ZSCAN32: variants seen among roughly 807,000 people sequenced by gnomAD.
ZSCAN32 encodes zinc finger and SCAN domain-containing protein 32.
A neutral mutation model predicts 47.4 loss-of-function variants in ZSCAN32; 52 were observed. The ratio of observed to expected loss-of-function variants is 1.10; its 90% CI spans 0.88 to 1.38. The LOEUF is 1.38. Among genes scored for constraint, ZSCAN32 ranks in the 40% most tolerant of loss-of-function variants. ZSCAN32 has a pLI of 0.00. For synonymous variants in ZSCAN32, 346 were observed against 305.7 expected, an observed-to-expected ratio of 1.13 and a Z score of -1.38; for missense variants, 959 against 846.0, an observed-to-expected ratio of 1.13 and a Z score of -1.66.
chr16:3,383,972 G>A (rs1265004062), intron 6 of ZSCAN32: 1 of 487,684 alleles, frequency 2.1e-6, no homozygotes, highest in Non-Finnish European at 3.6e-6. Flanking sequence ...ACTGAGGCAA[G>A]ACATTAAGCA....
chr16:3,384,255 A>G, intron 6 of ZSCAN32: 2 of 658,670 alleles, frequency 3.0e-6, no homozygotes, highest in Middle Eastern at 4.2e-4. Context: ...AACTTAGTTG[A>G]AAGAGGTTGG....
At chr16:3,395,646 A>G (rs1015270661) in intron 2 of ZSCAN32, among the ~76,000 whole-genome samples, 6 of 152,196 alleles carry the variant, frequency 3.9e-5, no homozygotes, top group African/African-American at 1.4e-4. Flanking sequence ...AGAACGGACT[A>G]ATAAATTAGG....
intron 5 of ZSCAN32, among the ~76,000 whole-genome samples, chr16:3,387,194 T>C (rs2032115311): frequency 6.6e-6 from 1 of 152,192 alleles, no homozygotes; most frequent in Admixed American, 6.5e-5. Flanking sequence ...GGGTAGTGGC[T>C]TGCCTGCCTT....
rs1178715978 is a variant in ZSCAN32, at chr16:3,382,922, G to A, written c.2024C>T (p.Ala675Val). Reference sequence around the variant, plus strand: ...GTGTACTGTCTGATGACGGGTGAGGGCAGAGTTCTTAGTGAAGCCTCTCTC... The same window carrying A: ...GTGTACTGTCTGATGACGGGTGAGGACAGAGTTCTTAGTGAAGCCTCTCTC... ...HCERGFTKNSALTRHQTVHMK... is the reference protein window; with the variant it reads ...HCERGFTKNSVLTRHQTVHMK... Residue 675 changes from alanine (A) to valine (V), a missense_variant, in exon 7 of 7, where the codon GCC becomes GTC. Ala to Val is a moderately conservative substitution (Grantham distance 64, BLOSUM62 0). Coordinates refer to ENST00000396852, the MANE Select transcript of ZSCAN32 (RefSeq NM_001284527.2). The A allele has an allele frequency of 1.9e-6, 3 of 1,612,292 alleles. No individual in the cohort carries two copies. The highest frequency in any genetic ancestry group is 2.5e-6 in the Non-Finnish European group (3 of 1,178,982).
At chr16:3,385,701 C>G (rs1309767402) in intron 5 of ZSCAN32, among the ~76,000 whole-genome samples, 1 of 152,108 alleles carries the variant, frequency 6.6e-6, no homozygotes, top group African/African-American at 2.4e-5. Flanking sequence ...GGAAAGGATT[C>G]CCTATTTAAT....
chr16:3,390,518 C>T lies in ZSCAN32; in HGVS notation c.533-1G>A. The T allele has an allele frequency of 6.5e-7, 1 of 1,548,396 alleles. No homozygotes were observed. On this transcript the variant is annotated splice_acceptor_variant, in intron 3 of 6. Transcript: ENST00000396852. LOFTEE classifies it high-confidence loss of function. ...CTGGGAGCCTGAGGAGCAAGCCAGG[C>T]TGGGGGAAAAAACAGCCGCTATTAG...
intron 1 of ZSCAN32, among the ~76,000 whole-genome samples, chr16:3,399,176 T>C (rs1014648810): frequency 1.3e-5 from 2 of 152,130 alleles, no homozygotes; most frequent in Non-Finnish European, 1.5e-5. Flanking sequence ...TGAGCTGTGA[T>C]CACGCCATTG....
chr16:3,392,116 G>C (rs1018253095), intron 3 of ZSCAN32, among the ~76,000 whole-genome samples: 53 of 152,184 alleles, frequency 3.5e-4, no homozygotes, highest in African/African-American at 1.2e-3. Context: ...AACATGAAAA[G>C]TGAAAGAAGG....
chr16:3,395,666 G>A (rs184433201), intron 2 of ZSCAN32, among the ~76,000 whole-genome samples: 95 of 152,220 alleles, frequency 6.2e-4, no homozygotes, highest in Non-Finnish European at 9.4e-4. Flanking sequence ...GTTTCAAATA[G>A]GTGTTTAACC....
In ZSCAN32 at chr16:3,393,216, A is replaced by AAATATATATT. The variant is rs1567319528; in HGVS notation, c.532+432_532+433insAATATATATT. ...TATATATATATTTATATTTATATAT[A>AAATATATATT]TATATATATATAAATTTATATATTT... is the stretch of plus-strand genomic sequence containing the variant. On this transcript the variant is annotated intron_variant, in intron 3 of 6. Coordinates refer to ENST00000396852, the MANE Select transcript of ZSCAN32 (RefSeq NM_001284527.2). Among the ~76,000 whole-genome samples the AAATATATATT allele has an allele frequency of 7.8e-5, 2 of 25,656 alleles. 1 individual carries two copies. The highest frequency in any genetic ancestry group is 3.4e-3 in the South Asian group (2 of 580). The allele number at this position is 25,656 out of a possible 152,430, so 16.8% of individuals were successfully genotyped here. A position where few individuals can be genotyped will look rare whatever the true frequency, so the allele number is the denominator to read the frequency against.
chr16:3,398,293 A>G (rs2033565557), intron 1 of ZSCAN32, among the ~76,000 whole-genome samples: 1 of 152,066 alleles, frequency 6.6e-6, no homozygotes, highest in African/African-American at 2.4e-5. Context: ...CTCCACCTAG[A>G]CCAGGGACTC....
rs1567328590 is a variant in ZSCAN32 at position 3,397,493 on chromosome 16, T to A, written c.65A>T (p.Gln22Leu). The A allele has an allele frequency of 1.0e-5, 16 of 1,550,576 alleles. No individual in the cohort carries two copies. The highest frequency in any genetic ancestry group is 1.4e-5 in the Non-Finnish European group (16 of 1,146,952). The part of the protein sequence containing the change: ...PSSNKDPTQG[Q>L]KSALQGNSPD... ...GCTGTTACCCTGGAGGGCTGATTTC[T>A]GGCCCTGTGTGGGATCCTTGTTTGA... is the stretch of plus-strand genomic sequence containing the variant. The change falls in exon 2 of 7, where the codon CAG (glutamine) becomes CTG (leucine). Residue 22 changes from glutamine to leucine, a missense_variant. By Grantham distance (113) the Gln-to-Leu change is moderately radical (BLOSUM62 -2). Coordinates refer to ENST00000396852, the MANE Select transcript of ZSCAN32 (RefSeq NM_001284527.2).
At chr16:3,393,899 G>GT (rs2033113655) in intron 2 of ZSCAN32, 85 bp from the exon 3 acceptor site, 5 of 1,229,612 alleles carry the variant, frequency 4.1e-6, no homozygotes, top group Middle Eastern at 2.1e-4. Context: ...TAAAAAATGT[G>GT]TAACATAAGG....
chr16:3,384,244 G>A, intron 6 of ZSCAN32: 1 of 630,450 alleles, frequency 1.6e-6, no homozygotes. Flanking sequence ...AAGATGACAT[G>A]AACTTAGTTG....
At position 3,393,703 on chromosome 16, in the gene ZSCAN32, G is replaced by A; in HGVS notation, c.478C>T (p.Pro160Ser). 6.5e-7 allele frequency: 1 copy of A among 1,550,236 alleles called. No homozygotes were observed. The highest frequency in any genetic ancestry group is 1.7e-4 in the Middle Eastern group (1 of 5,750). ...QWKQEVQPEEPTFKGSQSSHQ... is the reference protein window; with the variant it reads ...QWKQEVQPEESTFKGSQSSHQ... ...GAGCTCTGTGATCCCTTAAAAGTCGGTTCCTCTGGCTGAACCTCCTGTTTC... is the reference window on the plus strand; with the variant it reads ...GAGCTCTGTGATCCCTTAAAAGTCGATTCCTCTGGCTGAACCTCCTGTTTC... Residue 160 changes from proline to serine, a missense_variant, in exon 3 of 7, where the codon CCG becomes TCG. Physicochemically the swap from Pro to Ser is moderately conservative, Grantham distance 74. Transcript: ENST00000396852.
At chr16:3,384,296 G>T in intron 6 of ZSCAN32, 163 bp downstream of exon 6, 1 of 955,602 alleles carries the variant, frequency 1.0e-6, no homozygotes, top group Non-Finnish European at 1.6e-6. Flanking sequence ...TAAAATGCAA[G>T]GGGAATAACC....
At chr16:3,386,980 C>A (rs958389970) in intron 5 of ZSCAN32, among the ~76,000 whole-genome samples, 1 of 151,006 alleles carries the variant, frequency 6.6e-6, no homozygotes, top group South Asian at 2.1e-4. Flanking sequence ...TTTCTCAAAC[C>A]GTGCCACAAC....
At chr16:3,400,687 G>A (rs1366094040) in intron 1 of ZSCAN32, among the ~76,000 whole-genome samples, 2 of 152,206 alleles carry the variant, frequency 1.3e-5, no homozygotes, top group South Asian at 2.1e-4. Flanking sequence ...AGACAGGGAC[G>A]AGATGAGCAG....
Position 3,382,915 on chromosome 16 carries a change from G to C in ZSCAN32, c.2031C>G (p.Thr677=). Residue 677 remains threonine, a synonymous_variant, in exon 7 of 7, where the codon ACC becomes ACG. Transcript: ENST00000396852. ...ERGFTKNSAL[T]RHQTVHMKAV... ...CTTTCATGTGTACTGTCTGATGACG[G>C]GTGAGGGCAGAGTTCTTAGTGAAGC... 2.5e-6 allele frequency: 4 copies of C among 1,610,564 alleles called. No individual in the cohort carries two copies. Among genetic ancestry groups the C allele is most frequent in the Non-Finnish European group, 3.4e-6 (4 of 1,178,084 alleles).
Sources: gnomAD v4.1 joint callset for allele counts (sites outside exome capture counted in the v4.1 genomes callset) on GRCh38, gnomAD v4.1.1 for gene constraint, MANE v1.5 for transcripts, NCBI Gene and HGNC (gene_info 2026-07-23, HGNC 2026-07-21) for gene names.